Variants in LRP4 observed in about 807,000 individuals in gnomAD.
LRP4 encodes low-density lipoprotein receptor-related protein 4.
In LRP4, 95 loss-of-function variants were observed where a neutral mutation model predicts 220.3. The ratio of observed to expected loss-of-function variants is 0.43; its 90% CI spans 0.37 to 0.51. LRP4 has a LOEUF of 0.51. Ranked by LOEUF, LRP4 falls within the 20% of genes least tolerant of loss-of-function variation. LRP4 has a pLI of 0.00. For missense variants in LRP4, 1,925 were observed against 2,567.0 expected (o/e 0.75, Z 5.40); for synonymous variants, 903 against 954.6 (o/e 0.95, Z 1.00).
chr11:46,891,538 T>A (rs1034007315), intron 13 of LRP4, among the ~76,000 whole-genome samples: 11 of 152,048 alleles, frequency 7.2e-5, no homozygotes, highest in African/African-American at 2.7e-4. Context: ...AGATACTCCC[T>A]CCATTGATTG....
At chr11:46,897,229 T>C (rs1035833416) in intron 7 of LRP4, among the ~76,000 whole-genome samples, 2 of 152,178 alleles carry the variant, frequency 1.3e-5, no homozygotes, top group Non-Finnish European at 2.9e-5. Flanking sequence ...TGTGACTGGC[T>C]TCCCTTTGGA....
chr11:46,870,295 CA>C (rs944355948), intron 31 of LRP4, among the ~76,000 whole-genome samples: 4 of 151,798 alleles, frequency 2.6e-5, no homozygotes, highest in African/African-American at 7.3e-5. Flanking sequence ...ACAAAACAAA[CA>C]AAAAAAATGC....
chr11:46,863,504 G>C (rs1814696414), intron 36 of LRP4, among the ~76,000 whole-genome samples: 1 of 149,368 alleles, frequency 6.7e-6, no homozygotes, highest in Admixed American at 6.8e-5. Flanking sequence ...TAGAGAGGCT[G>C]AGGTGGGCAG....
At chr11:46,885,733 C>A (rs1249478896) in intron 18 of LRP4, among the ~76,000 whole-genome samples, 1 of 143,378 alleles carries the variant, frequency 7.0e-6, no homozygotes, top group Non-Finnish European at 1.5e-5. Context: ...GAGATCGCAC[C>A]ACTGCACTCC....
In LRP4 at chr11:46,897,073, A is replaced by G. The variant is rs377084014; in HGVS notation, c.797-79T>C. On this transcript the variant is annotated intron_variant, in intron 7 of 37. Transcript: ENST00000378623. Reference sequence around the variant, plus strand: ...TCCCTGCCACCCAAATCTGCAGCTTATATCAGTACCCATGCCACTCTTGAC... The same window carrying G: ...TCCCTGCCACCCAAATCTGCAGCTTGTATCAGTACCCATGCCACTCTTGAC... 1.2e-3 allele frequency: 1,868 copies of G among 1,582,674 alleles called. 12 individuals are homozygous for G. The Middle Eastern group carries it at 0.022, about 18-fold the overall frequency.
Position 46,902,770 on chromosome 11 carries a change from G to A in LRP4, c.199+13C>T. On this transcript the variant is annotated intron_variant, in intron 2 of 37. Coordinates refer to ENST00000378623, the MANE Select transcript of LRP4 (RefSeq NM_002334.4). ...TCTCCACCACCTCCCACTGCCTCTG[G>A]GGAGGTACTTACTACATCCATCCTC... is the stretch of plus-strand genomic sequence containing the variant. The A allele has an allele frequency of 1.2e-6, 2 of 1,613,866 alleles. No homozygotes were observed. The highest frequency in any genetic ancestry group is 1.7e-6 in the Non-Finnish European group (2 of 1,179,992).
intron 25 of LRP4, among the ~76,000 whole-genome samples, 194 bp downstream of exon 25, chr11:46,876,272 G>C (rs901159574): frequency 2.0e-5 from 3 of 151,880 alleles, no homozygotes; most frequent in Non-Finnish European, 2.9e-5. Context: ...CTGGTATTCT[G>C]ATTCAAGGCT....
intron 16 of LRP4, 33 bp downstream of exon 16, chr11:46,889,378 C>A: frequency 6.2e-7 from 1 of 1,613,156 alleles, no homozygotes; most frequent in South Asian, 1.1e-5. Flanking sequence ...TCACAACAGC[C>A]TCCATGGAGG....
At position 46,898,654 on chromosome 11, in the gene LRP4, C is replaced by T. The variant is rs1473275430; in HGVS notation, c.700G>A (p.Gly234Arg). 6.2e-7 allele frequency: 1 copy of T among 1,614,186 alleles called. No homozygotes were observed. The highest frequency in any genetic ancestry group is 8.5e-7 in the Non-Finnish European group (1 of 1,180,038). ...DCSSHQPCRS[G>R]EFMCDSGLCI... is the part of the protein sequence containing the mutation. ...AGGCCACTGTCACACATGAACTCCC[C>T]AGAGCGGCAGGGCTGGTGGGAGGCT... The change falls in exon 7 of 38, where the codon GGG becomes AGG. Residue 234 changes from glycine (G) to arginine (R), a missense_variant. This residue lies in a region of LRP4 where 412 missense variants were observed against 505.4 expected (regional missense o/e 0.82). Transcript: ENST00000378623.
rs1941170058 is a variant in LRP4, at chr11:46,881,851, T to G, written c.2665A>C (p.Met889Leu). 1 of 1,614,152 alleles carries G rather than the reference T, an allele frequency of 6.2e-7. No individual in the cohort carries two copies. The highest frequency in any genetic ancestry group is 1.3e-5 in the African/African-American group (1 of 75,046). The change falls in exon 20 of 38, where the codon ATG becomes CTG. Residue 889 changes from methionine to leucine, a missense_variant. By Grantham distance (15) the Met-to-Leu change is conservative (BLOSUM62 2). Transcript: ENST00000378623. ...ATGACTTGGCGGCCTGAGGCATCCA[T>G]GCCAGCTCGTTCAATCTTGGGGCTC... ...GASPKIERAG[M>L]DASGRQVIIS... is the part of the protein sequence containing the mutation.
chr11:46,895,284 A>G lies in LRP4; in HGVS notation c.1191T>C (p.Asn397=), dbSNP rs73458078. ...TGCAATACCCCTCCTCGGCACATTC[A>G]TTCACATCTGGGAACACCAGGCAGG... ...TEDGHTCQDV[N]ECAEEGYCSQ... Residue 397 remains asparagine, a synonymous_variant, in exon 11 of 38, where the codon AAT becomes AAC. Transcript: ENST00000378623. 4.0e-4 allele frequency: 638 copies of G among 1,613,150 alleles called. 1 individual carries two copies. In the African/African-American group the frequency reaches 7.7e-3, roughly 20 times the overall value.
chr11:46,870,343 G>C (rs1158640648), intron 31 of LRP4, among the ~76,000 whole-genome samples: 1 of 152,124 alleles, frequency 6.6e-6, no homozygotes, highest in Non-Finnish European at 1.5e-5. Context: ...AATACAGACA[G>C]AGTTGACAAT....
chr11:46,875,753 C>A lies in LRP4; in HGVS notation c.3699+51G>T. On this transcript the variant is annotated intron_variant, in intron 26 of 37. Transcript: ENST00000378623. This position sits in a 1 kb window ranked among gnomAD's most constrained non-coding sequence, Gnocchi z 4.5. ...ACTCTCCATGGAGATCCTAGGCAGG[C>A]CTTTCCCATCTTCCCAGGCTCCTGG... is the stretch of plus-strand genomic sequence containing the variant. 1 of 1,613,522 alleles carries A rather than the reference C, an allele frequency of 6.2e-7. No homozygotes were observed. Among genetic ancestry groups the A allele is most frequent in the Non-Finnish European group, 8.5e-7 (1 of 1,179,596 alleles).
At chr11:46,902,589 AAAAG>A (rs1412578719) in intron 2 of LRP4, among the ~76,000 whole-genome samples, 190 bp downstream of exon 2, 24 of 152,228 alleles carry the variant, frequency 1.6e-4, no homozygotes, top group Admixed American at 8.5e-4. Flanking sequence ...TGAACCAACC[AAAAG>A]AAACACAGGA....
chr11:46,895,053 T>C lies in LRP4; in HGVS notation c.1309+113A>G, dbSNP rs1592540928. On this transcript the variant is annotated intron_variant, in intron 11 of 37. Coordinates refer to ENST00000378623, the MANE Select transcript of LRP4 (RefSeq NM_002334.4). ...GCTCAGAATGCAACTGTTGCTGCAT[T>C]TTACTGTGACAGAAATCTCTCTACC... 8.0e-6 allele frequency: 12 copies of C among 1,509,018 alleles called. No homozygotes were observed. The East Asian group carries it at 2.7e-4, about 34-fold the overall frequency. The allele number at this position is 1,509,018 out of a possible 1,614,324, so 93.5% of individuals were successfully genotyped here. A position where few individuals can be genotyped will look rare whatever the true frequency, so the allele number is the denominator to read the frequency against.
At chr11:46,885,375 A>C (rs1336923435) in intron 18 of LRP4, among the ~76,000 whole-genome samples, 1 of 152,200 alleles carries the variant, frequency 6.6e-6, no homozygotes, top group Non-Finnish European at 1.5e-5. Flanking sequence ...GCTGCCACGC[A>C]GAGGAGGCAA....
chr11:46,864,114 G>A (rs1331913871), intron 36 of LRP4, among the ~76,000 whole-genome samples: 1 of 152,202 alleles, frequency 6.6e-6, no homozygotes, highest in Non-Finnish European at 1.5e-5. Flanking sequence ...GAAGCAGGGA[G>A]TACTGGAAAA....
intron 25 of LRP4, 123 bp downstream of exon 25, chr11:46,876,343 G>T: frequency 2.7e-6 from 3 of 1,091,136 alleles, no homozygotes; most frequent in African/African-American, 1.5e-5. Flanking sequence ...GAGTGGAAGA[G>T]CCCCAGGGAG....
chr11:46,879,075 T>A, intron 21 of LRP4, 37 bp from the exon 22 acceptor site: 1 of 1,614,196 alleles, frequency 6.2e-7, no homozygotes, highest in Non-Finnish European at 8.5e-7. Context: ...TGGGGAGAGC[T>A]AGGGCATAGG....
Sources: gnomAD v4.1 joint callset for allele counts (sites outside exome capture counted in the v4.1 genomes callset) on GRCh38, gnomAD v4.1.1 for gene constraint, gnomAD v4.1.1 regional missense constraint, Gnocchi (gnomAD v3.1) non-coding constraint, MANE v1.5 for transcripts, NCBI Gene and HGNC (gene_info 2026-07-23, HGNC 2026-07-21) for gene names.